Variants in TXNDC5 observed in about 807,000 individuals in gnomAD.
The protein encoded by TXNDC5 is thioredoxin domain containing 5.
In TXNDC5, 44 loss-of-function variants were observed where a neutral mutation model predicts 52.6. The ratio of observed to expected loss-of-function variants is 0.84; its 90% CI spans 0.66 to 1.08. The LOEUF (loss-of-function observed/expected upper bound fraction) is 1.08, where lower values mean the gene tolerates loss of function less well. TXNDC5 is among the 50% of genes least tolerant of loss of function. The pLI is 0.00. For missense variants in TXNDC5, 600 were observed against 565.5 expected, an observed-to-expected ratio of 1.06 and a Z score of -0.62; for synonymous variants, 241 against 234.4, an observed-to-expected ratio of 1.03 and a Z score of -0.26.
At chr6:7,888,655 C>T in intron 7 of TXNDC5, 50 bp downstream of exon 7, 1 of 1,562,554 alleles carries the variant, frequency 6.4e-7, no homozygotes. Flanking sequence ...AGGTGGGGGG[C>T]CGGGGGCCAC....
In TXNDC5 at chr6:7,904,603, G is replaced by A; in HGVS notation, c.384C>T (p.Cys128=). 6.2e-7 allele frequency: 1 copy of A among 1,614,232 alleles called. No individual in the cohort carries two copies. ...GGTATCCTCGCACCCCCTGGGCGGA[G>A]CACACGTCGGAGTGGGCCGTGCAGT... ...KVDCTAHSDV[C]SAQGVRGYPT... is the part of the protein sequence containing the mutation. Residue 128 remains cysteine (C), a synonymous_variant, in exon 2 of 10, where the codon TGC becomes TGT. Transcript: ENST00000379757.
intron 1 of TXNDC5, among the ~76,000 whole-genome samples, chr6:7,908,756 G>A (rs1478010202): frequency 2.0e-5 from 3 of 152,180 alleles, no homozygotes; most frequent in Non-Finnish European, 4.4e-5. Context: ...AGAATCACTT[G>A]AGCCCAGGAG....
In TXNDC5 at chr6:7,886,024, G is replaced by T. The variant is rs771970975; in HGVS notation, c.983C>A (p.Thr328Asn). 2 of 1,614,160 alleles carry T rather than the reference G, an allele frequency of 1.2e-6. No individual in the cohort carries two copies. Among genetic ancestry groups the T allele is most frequent in the South Asian group, 1.1e-5 (1 of 91,078 alleles). Residue 328 changes from threonine to asparagine, a missense_variant, in exon 8 of 10, where the codon ACT becomes AAT. Coordinates refer to ENST00000379757, the MANE Select transcript of TXNDC5 (RefSeq NM_030810.5). ...AATGGTGTCATCGAAGTTATTTTCA[G>T]TGAGTGCCAACACAGTGCCCTTCAA... ...EADKGTVLAL[T>N]ENNFDDTIAE...
rs772003008 is a variant in TXNDC5, at chr6:7,888,776, CTG to C, written c.890_891del (p.Thr297ArgfsTer19). The C allele has an allele frequency of 6.8e-6, 11 of 1,614,052 alleles. No homozygotes were observed. In the African/African-American group the frequency reaches 1.1e-4, roughly 16 times the overall value. ...GTGACGGTCTCCGTCGCTCCAGTCT[CTG>C]TGCGCTGCAGCTGCGACTCCACGTA... Reference protein sequence around the residue: ...REYVESQLQRTETGATETVTP... With the variant: ...REYVESQLQRXETGATETVTP... On this transcript the variant is annotated frameshift_variant, in exon 7 of 10. Coordinates refer to ENST00000379757, the MANE Select transcript of TXNDC5 (RefSeq NM_030810.5). LOFTEE classifies it high-confidence loss of function.
intron 8 of TXNDC5, among the ~76,000 whole-genome samples, chr6:7,884,693 G>T (rs1397744344): frequency 1.3e-5 from 2 of 152,152 alleles, no homozygotes; most frequent in African/African-American, 2.4e-5. Context: ...TTGATCCAAG[G>T]TAGACTTTCA....
At chr6:7,891,560 C>T (rs1760191016) in intron 5 of TXNDC5, 61 bp downstream of exon 5, 2 of 1,384,106 alleles carry the variant, frequency 1.4e-6, no homozygotes, top group African/African-American at 2.9e-5. Flanking sequence ...TAATGGGCCA[C>T]TCTGCTAATT....
intron 9 of TXNDC5, 22 bp downstream of exon 9, chr6:7,884,337 A>G: frequency 6.2e-7 from 1 of 1,613,664 alleles, no homozygotes; most frequent in African/African-American, 1.3e-5. Flanking sequence ...GAGCTCCCAT[A>G]AGCATCCATC....
chr6:7,900,784 T>C (rs956646560), intron 2 of TXNDC5, among the ~76,000 whole-genome samples: 1 of 152,168 alleles, frequency 6.6e-6, no homozygotes, highest in Non-Finnish European at 1.5e-5. Flanking sequence ...TGCCCTCACA[T>C]GGCAAAAGGG....
chr6:7,896,796 G>A (rs1268917152), intron 3 of TXNDC5, among the ~76,000 whole-genome samples: 1 of 152,150 alleles, frequency 6.6e-6, no homozygotes, highest in South Asian at 2.1e-4. Context: ...TTGCTTCCTG[G>A]GTTCCTGGCA....
intron 2 of TXNDC5, among the ~76,000 whole-genome samples, chr6:7,901,703 A>G (rs1356252184): frequency 6.6e-6 from 1 of 152,166 alleles, no homozygotes; most frequent in East Asian, 1.9e-4. Context: ...AAGCCCAAAC[A>G]AAGTATTGCC....
At chr6:7,895,071 A>G in intron 4 of TXNDC5, 35 bp downstream of exon 4, 1 of 1,605,786 alleles carries the variant, frequency 6.2e-7, no homozygotes, top group South Asian at 1.1e-5. Flanking sequence ...AATAATAGTG[A>G]TTCTCTGAAG....
intron 1 of TXNDC5, among the ~76,000 whole-genome samples, chr6:7,906,551 A>AG (rs1211985276): frequency 2.7e-5 from 4 of 150,228 alleles, no homozygotes; most frequent in Non-Finnish European, 5.9e-5. Context: ...AAAAAAAAAA[A>AG]AAAAAAGAAA....
chr6:7,906,236 C>T (rs1251520698), intron 1 of TXNDC5, among the ~76,000 whole-genome samples: 1 of 149,898 alleles, frequency 6.7e-6, no homozygotes, highest in African/African-American at 2.5e-5. Flanking sequence ...GATTTTGTCT[C>T]TTAAGAAAAA....
At chr6:7,889,361 T>C (rs1581312038) in intron 6 of TXNDC5, 134 bp downstream of exon 6, 2 of 694,368 alleles carry the variant, frequency 2.9e-6, no homozygotes, top group East Asian at 5.4e-5. Context: ...GTTTGTTTCA[T>C]TATACACATT....
In TXNDC5 at chr6:7,888,712, G is replaced by C; in HGVS notation, c.956C>G (p.Ala319Gly). Residue 319 changes from alanine (A) to glycine (G), a missense_variant, in exon 7 of 10, where the codon GCT (alanine) becomes GGT (glycine). Physicochemically the swap from Ala to Gly is moderately conservative, Grantham distance 60. Coordinates refer to ENST00000379757, the MANE Select transcript of TXNDC5 (RefSeq NM_030810.5). Reference protein sequence around the residue: ...EAPVLAAEPEADKGTVLALTE... With the variant: ...EAPVLAAEPEGDKGTVLALTE... ...ACTCCAGCAGGCACCCACCTTGTCAGCCTCGGGCTCAGCTGCCAGCACCGG... is the reference window on the plus strand; with the variant it reads ...ACTCCAGCAGGCACCCACCTTGTCACCCTCGGGCTCAGCTGCCAGCACCGG... The C allele has an allele frequency of 6.2e-7, 1 of 1,610,794 alleles. No homozygotes were observed. Among genetic ancestry groups the C allele is most frequent in the East Asian group, 2.2e-5 (1 of 44,844 alleles).
In TXNDC5 at chr6:7,884,354, C is replaced by T; in HGVS notation, c.1176+5G>A. ...GCTCCCATAAGCATCCATCCAAGTA[C>T]CCACCGAATACTTGCTGCAGATATT... On this transcript the variant is annotated splice_donor_5th_base_variant and intron_variant, in intron 9 of 9. Transcript: ENST00000379757. 5 of 1,613,984 alleles carry T rather than the reference C, an allele frequency of 3.1e-6. No homozygotes were observed. Among genetic ancestry groups the T allele is most frequent in the Non-Finnish European group, 4.2e-6 (5 of 1,179,926 alleles).
At chr6:7,884,082 T>C (rs1759867575) in intron 9 of TXNDC5, among the ~76,000 whole-genome samples, 1 of 152,224 alleles carries the variant, frequency 6.6e-6, no homozygotes. Context: ...CCACAGTCTA[T>C]GGCGTGGGGT....
At chr6:7,892,647 G>A (rs1398425056) in intron 4 of TXNDC5, among the ~76,000 whole-genome samples, 2 of 152,302 alleles carry the variant, frequency 1.3e-5, no homozygotes, top group African/African-American at 4.8e-5. Flanking sequence ...TAGTGAATAA[G>A]TCTCATGAGA....
chr6:7,908,954 G>A (rs571751421), intron 1 of TXNDC5, among the ~76,000 whole-genome samples: 11 of 152,260 alleles, frequency 7.2e-5, no homozygotes, highest in South Asian at 6.2e-4. Flanking sequence ...GAATACTCCC[G>A]AACAAAGAGA....
Sources: allele counts gnomAD v4.1 joint callset (sites outside exome capture counted in the v4.1 genomes callset), GRCh38; gene constraint gnomAD v4.1.1; transcripts MANE v1.5; gene names NCBI Gene and HGNC (gene_info 2026-07-23, HGNC 2026-07-21).